Variants in NDRG4 observed in about 807,000 individuals in gnomAD.
NDRG4 encodes the protein protein NDRG4.
In NDRG4, 38 loss-of-function variants were observed where a neutral mutation model predicts 55.8. The ratio of observed to expected loss-of-function variants is 0.68; its 90% CI spans 0.53 to 0.89. The LOEUF (loss-of-function observed/expected upper bound fraction) is 0.89. Ranked by LOEUF, NDRG4 falls within the 40% of genes least tolerant of loss-of-function variation. The pLI is 0.00. For missense variants in NDRG4, 455 were observed against 468.6 expected (o/e 0.97, Z 0.27); for synonymous variants, 190 against 182.7 (o/e 1.04, Z -0.32).
At chr16:58,469,339 G>A (rs1014074776) in intron 1 of NDRG4, among the ~76,000 whole-genome samples, 2 of 152,086 alleles carry the variant, frequency 1.3e-5, no homozygotes, top group African/African-American at 4.8e-5. Flanking sequence ...GTCCCTTGGA[G>A]GAGAGGAGAG....
chr16:58,491,245 C>T (rs192677584), intron 2 of NDRG4, among the ~76,000 whole-genome samples: 18 of 152,134 alleles, frequency 1.2e-4, no homozygotes, highest in African/African-American at 4.3e-4. Flanking sequence ...CAGTGCACTC[C>T]AGCCTGGGAG....
intron 2 of NDRG4, among the ~76,000 whole-genome samples, chr16:58,492,329 G>A (rs550267343): frequency 1.1e-3 from 165 of 152,050 alleles, no homozygotes; most frequent in African/African-American, 3.7e-3. Context: ...TCTCCTCCTC[G>A]TGCTCACCCT....
intron 5 of NDRG4, 153 bp downstream of exon 5, chr16:58,504,802 T>C: frequency 1.4e-6 from 1 of 722,572 alleles, no homozygotes. Flanking sequence ...AAACCTCTTT[T>C]TTCTTTTTTC....
chr16:58,475,503 G>T, intron 1 of NDRG4: 1 of 414,890 alleles, frequency 2.4e-6, no homozygotes, highest in South Asian at 1.8e-5. Flanking sequence ...CGATAGGGTG[G>T]GTCTCCAAGA....
intron 1 of NDRG4, among the ~76,000 whole-genome samples, chr16:58,475,446 C>T (rs572923677): frequency 6.6e-6 from 1 of 152,328 alleles, no homozygotes; most frequent in East Asian, 1.9e-4. Context: ...CCCTGTTTTT[C>T]TCTGGGAAAG....
At chr16:58,505,713 C>CTTTTTTTTTTTTTTTTT (rs1028370131) in intron 5 of NDRG4, among the ~76,000 whole-genome samples, 5 of 58,660 alleles carry the variant, frequency 8.5e-5, no homozygotes, top group African/African-American at 3.8e-4. Flanking sequence ...GCTTCATTTT[C>CTTTTTTTTTTTTTTTTT]TTTTTTTTTT....
At chr16:58,475,555 G>C in intron 1 of NDRG4, 1 of 453,562 alleles carries the variant, frequency 2.2e-6, no homozygotes, top group East Asian at 7.0e-5. Context: ...GTGTGTAACA[G>C]AAAACCCATG....
chr16:58,488,074 G>T (rs1417706021), intron 2 of NDRG4, among the ~76,000 whole-genome samples: 1 of 152,196 alleles, frequency 6.6e-6, no homozygotes, highest in African/African-American at 2.4e-5. Flanking sequence ...CGCCACAGGA[G>T]AGTTATCCCG....
chr16:58,480,108 C>T (rs1413114935), intron 1 of NDRG4, among the ~76,000 whole-genome samples: 1 of 152,006 alleles, frequency 6.6e-6, no homozygotes, highest in Non-Finnish European at 1.5e-5. Flanking sequence ...TGCATCTGCC[C>T]CTCCGATTTT....
rs775756131 is a variant in NDRG4, at chr16:58,509,205, C to T, written c.813+16C>T. 1.2e-5 allele frequency: 19 copies of T among 1,613,912 alleles called. No individual in the cohort carries two copies. Among genetic ancestry groups the T allele is most frequent in the Non-Finnish European group, 1.6e-5 (19 of 1,180,032 alleles). On this transcript the variant is annotated intron_variant, in intron 12 of 14. Transcript: ENST00000570248. ...GGTCACACAGGTGAGACTTTTGGCC[C>T]TCCTGCCCTTACATCTATGGGGAGG...
At chr16:58,505,117 AGGTG>A (rs2037692581) in intron 5 of NDRG4, among the ~76,000 whole-genome samples, 2 of 152,208 alleles carry the variant, frequency 1.3e-5, no homozygotes, top group Admixed American at 1.3e-4. Context: ...TGGGAGGCCA[AGGTG>A]GGCAGATCAC....
At chr16:58,493,525 T>C (rs1405032783) in intron 2 of NDRG4, among the ~76,000 whole-genome samples, 1 of 152,220 alleles carries the variant, frequency 6.6e-6, no homozygotes, top group Non-Finnish European at 1.5e-5. Context: ...CGCCTCAGCT[T>C]CCCAAAGTGC....
intron 2 of NDRG4, among the ~76,000 whole-genome samples, chr16:58,491,054 A>G (rs1033202201): frequency 6.6e-6 from 1 of 151,614 alleles, no homozygotes; most frequent in African/African-American, 2.4e-5. Flanking sequence ...AGGCGAGCGG[A>G]TCACTTGAGG....
At position 58,512,130 on chromosome 16, in the gene NDRG4, T is replaced by C. The variant is rs1166971423; in HGVS notation, c.*554T>C. 4.4e-6 allele frequency: 2 copies of C among 456,408 alleles called. No individual in the cohort carries two copies. The highest frequency in any genetic ancestry group is 4.0e-5 in the African/African-American group (2 of 50,082). 28.3% of individuals were successfully genotyped at this position (456,408 alleles called of 1,614,324 possible). On this transcript the variant is annotated 3_prime_UTR_variant, in exon 15 of 15. Coordinates refer to ENST00000570248, the MANE Select transcript of NDRG4 (RefSeq NM_001242835.2). ...TTTCCTGGTGCTCTCTGGGCCCAGCTGGTGCTGTAGGGCCACGCAGGCAGG... is the reference window on the plus strand; with the variant it reads ...TTTCCTGGTGCTCTCTGGGCCCAGCCGGTGCTGTAGGGCCACGCAGGCAGG...
Position 58,464,571 on chromosome 16 carries a change from G to T in NDRG4, c.-24+774G>T, listed in dbSNP as rs1055187226. ...GCGGCTCGGGTCTGAGCAGGAAGGG[G>T]TGCGGACCCCAACTAAGTCCTAGTT... On this transcript the variant is annotated intron_variant, in intron 1 of 15. Coordinates refer to the NDRG4 transcript ENST00000258187. The surrounding 1 kb of genome is among the most constrained non-coding windows in gnomAD (Gnocchi z 4.8). 1.8e-6 allele frequency: 2 copies of T among 1,095,060 alleles called. No homozygotes were observed. Among genetic ancestry groups the T allele is most frequent in the Non-Finnish European group, 2.4e-6 (2 of 844,802 alleles). The allele number at this position is 1,095,060 out of a possible 1,614,324, so 67.8% of individuals were successfully genotyped here.
intron 2 of NDRG4, chr16:58,487,897 C>T (rs1192694977): frequency 7.0e-7 from 1 of 1,420,332 alleles, no homozygotes; most frequent in East Asian, 2.7e-5. Context: ...AGCGCGCCAC[C>T]TCGTGGCCAA....
rs2038411751 is a variant in NDRG4 at position 58,508,977 on chromosome 16, A to C, written c.745A>C (p.Lys249Gln). 1.2e-6 allele frequency: 2 copies of C among 1,613,898 alleles called. No individual in the cohort carries two copies. Among genetic ancestry groups the C allele is most frequent in the Non-Finnish European group, 1.7e-6 (2 of 1,179,992 alleles). Reference sequence around the variant, plus strand: ...TTGTCCTCAGGTGGAGTGCAACTCCAAACTGGACCCGACCACTACGACCTT... The same window carrying C: ...TTGTCCTCAGGTGGAGTGCAACTCCCAACTGGACCCGACCACTACGACCTT... ...AEDGVVECNS[K>Q]LDPTTTTFLK... The change falls in exon 11 of 15, where the codon AAA (lysine) becomes CAA (glutamine). Residue 249 changes from lysine to glutamine, a missense_variant. By Grantham distance (53) the Lys-to-Gln change is moderately conservative (BLOSUM62 1). Transcript: ENST00000570248.
intron 1 of NDRG4, among the ~76,000 whole-genome samples, chr16:58,485,416 A>G (rs1195496459): frequency 6.6e-6 from 1 of 152,104 alleles, no homozygotes; most frequent in African/African-American, 2.4e-5. Context: ...TTTTAATAGC[A>G]TGGGCCTTGG....
chr16:58,503,993 G>C, intron 2 of NDRG4, 90 bp downstream of exon 2: 1 of 1,531,454 alleles, frequency 6.5e-7, no homozygotes, highest in Non-Finnish European at 9.0e-7. Flanking sequence ...GGCCCTGTCA[G>C]CCCCACTCAC....
Sources: gnomAD v4.1 joint callset for allele counts (sites outside exome capture counted in the v4.1 genomes callset) on GRCh38, gnomAD v4.1.1 for gene constraint, Gnocchi (gnomAD v3.1) non-coding constraint, MANE v1.5 for transcripts, NCBI Gene and HGNC (gene_info 2026-07-23, HGNC 2026-07-21) for gene names.